The following CHFR variants were observed in gnomAD, a reference collection of about 807,000 sequenced individuals.
CHFR encodes the protein E3 ubiquitin-protein ligase CHFR.
CHFR carries 57 observed loss-of-function variants against 87.6 expected under a neutral mutation model. That is an observed-to-expected ratio of 0.65 (90% CI 0.53 to 0.81). The LOEUF is 0.81. Among genes scored for constraint, CHFR ranks in the 30% least tolerant of loss-of-function variants. The pLI, the probability that CHFR is intolerant of heterozygous loss-of-function variation, is 0.00. For missense variants in CHFR, 797 were observed against 865.8 expected (o/e 0.92, Z 1.00); for synonymous variants, 381 against 359.2 (o/e 1.06, Z -0.69).
At chr12:132,875,529 AGGAG>A (rs976881566) in intron 3 of CHFR, among the ~76,000 whole-genome samples, 1 of 152,138 alleles carries the variant, frequency 6.6e-6, no homozygotes, top group Non-Finnish European at 1.5e-5. Flanking sequence ...AGGCTGAGGC[AGGAG>A]AATCGCTTGA....
chr12:132,843,922 C>T, intron 16 of CHFR, 105 bp downstream of exon 16: 1 of 680,998 alleles, frequency 1.5e-6, no homozygotes, highest in Non-Finnish European at 2.6e-6. Flanking sequence ...GCACTCCAGC[C>T]TGGGCAAAAA....
chr12:132,850,784 C>T (rs923537491), intron 12 of CHFR, among the ~76,000 whole-genome samples: 3 of 152,062 alleles, frequency 2.0e-5, no homozygotes, highest in South Asian at 2.1e-4. Flanking sequence ...GAGCCAACCG[C>T]GGTGCTCAAC....
rs1950688147 is a variant in CHFR, at chr12:132,840,514, A to C, written c.*1040T>G. On this transcript the variant is annotated 3_prime_UTR_variant, in exon 18 of 18. Coordinates refer to ENST00000450056, the MANE Select transcript of CHFR (RefSeq NM_001161346.2). ...TTATCAGTTTACAAACAAGGATAAC[A>C]GGTGATTTCAACAAAAGATAAAAAA... 1 of 152,686 alleles carries C rather than the reference A, an allele frequency of 6.5e-6. No homozygotes were observed. The highest frequency in any genetic ancestry group is 1.5e-5 in the Non-Finnish European group (1 of 68,046). The allele number at this position is 152,686 out of a possible 1,614,324, so 9.5% of individuals were successfully genotyped here. A position where few individuals can be genotyped will look rare whatever the true frequency, so the allele number is the denominator to read the frequency against.
intron 4 of CHFR, 125 bp downstream of exon 4, chr12:132,872,160 G>C (rs890800740): frequency 1.5e-6 from 1 of 673,852 alleles, no homozygotes; most frequent in Non-Finnish European, 2.7e-6. Flanking sequence ...ATGTGAGCAA[G>C]AAATGGGGTG....
At chr12:132,855,383 T>C (rs911020557) in intron 10 of CHFR, among the ~76,000 whole-genome samples, 3 of 147,744 alleles carry the variant, frequency 2.0e-5, no homozygotes, top group African/African-American at 2.5e-5. Flanking sequence ...GATTGTGCCA[T>C]TGGCAGGGCG....
At position 132,857,542 on chromosome 12, in the gene CHFR, T is replaced by C. The variant is rs1174814592; in HGVS notation, c.929A>G (p.His310Arg). The C allele has an allele frequency of 1.9e-6, 3 of 1,613,914 alleles. No individual in the cohort carries two copies. The highest frequency in any genetic ancestry group is 2.2e-5 in the East Asian group (1 of 44,898). Residue 310 changes from histidine (H) to arginine (R), a missense_variant, in exon 9 of 18, where the codon CAC becomes CGC. His to Arg is a conservative substitution (Grantham distance 29). Coordinates refer to ENST00000450056, the MANE Select transcript of CHFR (RefSeq NM_001161346.2). Reference protein sequence around the residue: ...HDCVSLQPCMHTFCAACYSGW... With the variant: ...HDCVSLQPCMRTFCAACYSGW... ...CGAGTAGCAAGCCGCGCAGAACGTG[T>C]GCATGCAGGGCTGCAAACTGAAAGT...
At chr12:132,842,224 G>A (rs1950718590) in intron 17 of CHFR, among the ~76,000 whole-genome samples, 1 of 152,068 alleles carries the variant, frequency 6.6e-6, no homozygotes, top group Non-Finnish European at 1.5e-5. Context: ...GGCTGAGGCA[G>A]ACACACCAAG....
Position 132,887,221 on chromosome 12 carries a change from C to A in CHFR, c.108G>T (p.Arg36=), listed in dbSNP as rs1175632960. The A allele has an allele frequency of 6.7e-7, 1 of 1,503,222 alleles. No homozygotes were observed. The highest frequency in any genetic ancestry group is 8.8e-7 in the Non-Finnish European group (1 of 1,132,788). The allele number at this position is 1,503,222 out of a possible 1,614,324, so 93.1% of individuals were successfully genotyped here. A position where few individuals can be genotyped will look rare whatever the true frequency, so the allele number is the denominator to read the frequency against. The part of the protein sequence containing the change: ...EGEPHVLLRK[R]EWTIGRRRGC... ...CTCGTCTCCGCCCGATGGTCCACTC[C>A]CGCTTCCTCAGGAGGACGTGCGGCT... Residue 36 remains arginine (R), a synonymous_variant, in exon 2 of 18, where the codon CGG becomes CGT. Coordinates refer to ENST00000450056, the MANE Select transcript of CHFR (RefSeq NM_001161346.2).
rs1951440329 is a variant in CHFR at position 132,869,709 on chromosome 12, G to C, written c.493C>G (p.Pro165Ala). 1 of 1,551,712 alleles carries C rather than the reference G, an allele frequency of 6.4e-7. No homozygotes were observed. Among genetic ancestry groups the C allele is most frequent in the Non-Finnish European group, 8.7e-7 (1 of 1,147,004 alleles). ...ATQVCFEEPQ[P>A]STSTSDLFPT... ...AAGAGGTCTGACGTCGATGTTGATG[G>C]CTGTGGTTCCTCAAAGCACACCTGA... The change falls in exon 6 of 18, where the codon CCA (proline) becomes GCA (alanine). Residue 165 changes from proline (P) to alanine (A), a missense_variant. Pro to Ala is a conservative substitution (Grantham distance 27). Transcript: ENST00000450056.
chr12:132,833,464 CGCT>C lies in CHFR; in HGVS notation c.*8087_*8089del, dbSNP rs1566166860. 1 of 152,200 alleles carries C rather than the reference CGCT, an allele frequency of 6.6e-6. No individual in the cohort carries two copies. The highest frequency in any genetic ancestry group is 2.4e-5 in the African/African-American group (1 of 41,434). 9.4% of individuals were successfully genotyped at this position (152,200 alleles called of 1,614,324 possible). Reference sequence around the variant, plus strand: ...AGGCAGAGGCAACCCTGGGGAGGCTCGCTGCTATTTCAGGCCGATGGTTGAGGG... The same window carrying C: ...AGGCAGAGGCAACCCTGGGGAGGCTCGCTATTTCAGGCCGATGGTTGAGGG... On this transcript the variant is annotated 3_prime_UTR_variant, in exon 18 of 18. Coordinates refer to ENST00000450056, the MANE Select transcript of CHFR (RefSeq NM_001161346.2).
intron 2 of CHFR, among the ~76,000 whole-genome samples, chr12:132,878,615 C>T (rs1025328634): frequency 5.3e-5 from 8 of 151,618 alleles, no homozygotes; most frequent in Non-Finnish European, 1.0e-4. Context: ...GTCAGGAGAT[C>T]GAGACCATCC....
intron 6 of CHFR, among the ~76,000 whole-genome samples, chr12:132,862,663 T>G (rs1951241292): frequency 6.6e-6 from 1 of 151,820 alleles, no homozygotes. Flanking sequence ...CACTGCAAGC[T>G]CCGCCTCCTG....
At chr12:132,886,258 T>A (rs1409885048) in intron 2 of CHFR, among the ~76,000 whole-genome samples, 1 of 151,616 alleles carries the variant, frequency 6.6e-6, no homozygotes, top group Non-Finnish European at 1.5e-5. Flanking sequence ...TGCAGTGAGC[T>A]GAGATCACAC....
intron 3 of CHFR, among the ~76,000 whole-genome samples, chr12:132,877,321 G>C (rs192881942): frequency 2.0e-5 from 3 of 152,248 alleles, no homozygotes; most frequent in Admixed American, 2.0e-4. Flanking sequence ...ATCTAGGTTT[G>C]TTTAAGTATA....
intron 6 of CHFR, among the ~76,000 whole-genome samples, chr12:132,862,844 T>C (rs937826598): frequency 6.6e-6 from 1 of 150,848 alleles, no homozygotes; most frequent in South Asian, 2.1e-4. Flanking sequence ...CCTCCCAAAG[T>C]GCTGGGATTA....
At chr12:132,878,268 A>T (rs1394909368) in intron 2 of CHFR, among the ~76,000 whole-genome samples, 1 of 152,154 alleles carries the variant, frequency 6.6e-6, no homozygotes, top group Non-Finnish European at 1.5e-5. Flanking sequence ...CAGGAGTTCG[A>T]GACCAGCCTG....
At chr12:132,847,568 C>T in intron 14 of CHFR, 5 of 1,062,662 alleles carry the variant, frequency 4.7e-6, no homozygotes, top group Non-Finnish European at 5.7e-6. Flanking sequence ...GCTGAGCGGG[C>T]GCCTGCCAGG....
chr12:132,885,237 G>A (rs1033715055), intron 2 of CHFR, among the ~76,000 whole-genome samples: 15 of 149,900 alleles, frequency 1.0e-4, no homozygotes, highest in Non-Finnish European at 1.9e-4. Flanking sequence ...GTGAAACCCC[G>A]TCTCTACTAA....
At chr12:132,884,410 C>T (rs957505692) in intron 2 of CHFR, among the ~76,000 whole-genome samples, 3 of 106,188 alleles carry the variant, frequency 2.8e-5, no homozygotes, top group African/African-American at 5.4e-5. Flanking sequence ...AGCAAAACTC[C>T]GTCTCAAAAA....
Sources: allele counts gnomAD v4.1 joint callset (sites outside exome capture counted in the v4.1 genomes callset), GRCh38; gene constraint gnomAD v4.1.1; transcripts MANE v1.5; gene names NCBI Gene and HGNC (gene_info 2026-07-23, HGNC 2026-07-21).